The following CFAP299 variants were observed in gnomAD, a reference collection of about 807,000 sequenced individuals.
CFAP299 encodes the protein cilia- and flagella-associated protein 299.
A neutral mutation model predicts 27.0 loss-of-function variants in CFAP299; 21 were observed. That is an observed-to-expected ratio of 0.78 (90% confidence interval 0.55 to 1.12). The LOEUF is 1.12. Among genes scored for constraint, CFAP299 ranks in the 50% most tolerant of loss-of-function variants. The pLI is 0.00. For synonymous variants in CFAP299, 104 were observed against 98.1 expected (o/e 1.06, Z -0.36); for missense variants, 310 against 276.6 (o/e 1.12, Z -0.86).
intron 2 of CFAP299, among the ~76,000 whole-genome samples, chr4:80,555,293 T>A (rs1202646326): frequency 6.6e-6 from 1 of 152,190 alleles, no homozygotes; most frequent in Non-Finnish European, 1.5e-5. Context: ...ATGTGATGAG[T>A]CACATTTATT....
intron 2 of CFAP299, among the ~76,000 whole-genome samples, chr4:80,490,952 A>G (rs1363562697): frequency 6.6e-6 from 1 of 151,052 alleles, no homozygotes; most frequent in East Asian, 1.9e-4. Flanking sequence ...AATCCATCTT[A>G]CTTACCTCTC....
chr4:80,508,908 A>T (rs1396087664), intron 2 of CFAP299, among the ~76,000 whole-genome samples: 1 of 152,174 alleles, frequency 6.6e-6, no homozygotes, highest in African/African-American at 2.4e-5. Flanking sequence ...AGACACCAGA[A>T]CGGGCCAAAT....
chr4:80,326,909 C>T, the CFAP299 span, among the ~76,000 whole-genome samples: 6 of 152,016 alleles, frequency 3.9e-5, no homozygotes, highest in East Asian at 5.8e-4. Flanking sequence ...AAATTGTTTT[C>T]GTAATTTTAT....
At chr4:80,906,441 C>G (rs1735190849) in intron 4 of CFAP299, among the ~76,000 whole-genome samples, 1 of 152,206 alleles carries the variant, frequency 6.6e-6, no homozygotes, top group Non-Finnish European at 1.5e-5. Context: ...GATGGTGGCC[C>G]TCTTCTCACA....
At chr4:80,431,115 C>G (rs149138836) in intron 2 of CFAP299, among the ~76,000 whole-genome samples, 2 of 152,182 alleles carry the variant, frequency 1.3e-5, no homozygotes, top group Admixed American at 6.5e-5. Flanking sequence ...TGCATTTACC[C>G]TGTCTAACAT....
At chr4:80,353,534 T>A (rs1325357579) in intron 1 of CFAP299, among the ~76,000 whole-genome samples, 1 of 152,210 alleles carries the variant, frequency 6.6e-6, no homozygotes, top group East Asian at 1.9e-4. Flanking sequence ...TGCCAAAAAT[T>A]AGTAGAAGAT....
chr4:80,499,764 G>T (rs1315986701), intron 2 of CFAP299, among the ~76,000 whole-genome samples: 1 of 151,956 alleles, frequency 6.6e-6, no homozygotes, highest in Non-Finnish European at 1.5e-5. Context: ...ATTTCCTCTT[G>T]ATATTTTTTT....
At chr4:80,516,017 C>CTTTT (rs34249511) in intron 2 of CFAP299, among the ~76,000 whole-genome samples, 15 of 119,528 alleles carry the variant, frequency 1.3e-4, no homozygotes, top group Admixed American at 1.7e-4. Context: ...TTCTGCATTT[C>CTTTT]TTTTTTTTTT....
At chr4:80,695,674 C>CAT (rs1553950116) in intron 3 of CFAP299, among the ~76,000 whole-genome samples, 1 of 136,934 alleles carries the variant, frequency 7.3e-6, no homozygotes, top group Non-Finnish European at 1.6e-5. Context: ...CCTTATCATC[C>CAT]TTTTTTTTTT....
chr4:80,385,486 C>T (rs1207909152), intron 2 of CFAP299, among the ~76,000 whole-genome samples: 1 of 151,724 alleles, frequency 6.6e-6, no homozygotes, highest in Non-Finnish European at 1.5e-5. Flanking sequence ...TGAGCAAGCC[C>T]CTGGCATATT....
At chr4:80,698,783 A>AG (rs1167487982) in intron 3 of CFAP299, among the ~76,000 whole-genome samples, 1 of 152,218 alleles carries the variant, frequency 6.6e-6, no homozygotes, top group African/African-American at 2.4e-5. Context: ...GAGCATGTGA[A>AG]GGAAGTGAGG....
chr4:80,758,620 A>G (rs1725385123), intron 3 of CFAP299, among the ~76,000 whole-genome samples: 1 of 152,158 alleles, frequency 6.6e-6, no homozygotes, highest in African/African-American at 2.4e-5. Flanking sequence ...ACTTCCTCAT[A>G]GACCTATGTT....
At chr4:80,768,406 T>C (rs1440589676) in intron 3 of CFAP299, among the ~76,000 whole-genome samples, 1 of 152,176 alleles carries the variant, frequency 6.6e-6, no homozygotes, top group Non-Finnish European at 1.5e-5. Context: ...ATCTAATCCA[T>C]CAAACACATA....
chr4:80,676,743 G>A (rs1045133315), intron 3 of CFAP299, among the ~76,000 whole-genome samples: 7 of 151,982 alleles, frequency 4.6e-5, no homozygotes, highest in African/African-American at 7.3e-5. Context: ...TTGGCACACA[G>A]TTGTTCATAA....
At chr4:80,443,118 C>T (rs1728444889) in intron 2 of CFAP299, among the ~76,000 whole-genome samples, 1 of 152,176 alleles carries the variant, frequency 6.6e-6, no homozygotes, top group African/African-American at 2.4e-5. Flanking sequence ...CAAAGAGGAG[C>T]TGGTACCATT....
At chr4:80,593,182 C>A (rs1736873615) in intron 3 of CFAP299, among the ~76,000 whole-genome samples, 1 of 152,138 alleles carries the variant, frequency 6.6e-6, no homozygotes, top group African/African-American at 2.4e-5. Flanking sequence ...CGTTGTTGAT[C>A]TCCATTTACT....
At chr4:80,459,815 G>C (rs191453026) in intron 2 of CFAP299, among the ~76,000 whole-genome samples, 1 of 152,254 alleles carries the variant, frequency 6.6e-6, no homozygotes, top group East Asian at 1.9e-4. Context: ...AAAAGAGCAG[G>C]GTGGTTGTGA....
intron 3 of CFAP299, among the ~76,000 whole-genome samples, chr4:80,820,583 G>A (rs1033048336): frequency 2.6e-5 from 4 of 152,106 alleles, no homozygotes; most frequent in Non-Finnish European, 5.9e-5. Flanking sequence ...GGAGGAGCCA[G>A]ATGGGTCATT....
intron 2 of CFAP299, among the ~76,000 whole-genome samples, chr4:80,536,776 T>C (rs1223202656): frequency 1.3e-5 from 2 of 152,094 alleles, no homozygotes; most frequent in Admixed American, 6.5e-5. Flanking sequence ...GAAACATAGA[T>C]AACAGGCTTC....
Sources: gnomAD v4.1 joint callset for allele counts (sites outside exome capture counted in the v4.1 genomes callset) on GRCh38, gnomAD v4.1.1 for gene constraint, MANE v1.5 for transcripts, NCBI Gene and HGNC (gene_info 2026-07-23, HGNC 2026-07-21) for gene names.